Variants in PXDN observed in about 807,000 individuals in gnomAD.
The protein encoded by PXDN is peroxidasin.
Under a neutral mutation model 140.3 loss-of-function variants are expected in PXDN, and 77 were observed. The ratio of observed to expected loss-of-function variants is 0.55; its 90% CI spans 0.46 to 0.66. The LOEUF (loss-of-function observed/expected upper bound fraction) is 0.66. Among genes scored for constraint, PXDN ranks in the 30% least tolerant of loss-of-function variants. The pLI is 0.00. For missense variants in PXDN, 1,838 were observed against 2,039.5 expected (o/e 0.90, Z 1.90); for synonymous variants, 911 against 857.4 (o/e 1.06, Z -1.09).
intron 22 of PXDN, 83 bp from the exon 23 acceptor site, chr2:1,634,406 T>A: frequency 6.8e-7 from 1 of 1,479,540 alleles, no homozygotes; most frequent in African/African-American, 1.4e-5. Context: ...GGGACAGGTG[T>A]CAGCCACGGC....
chr2:1,663,759 G>T lies in PXDN; in HGVS notation c.1413C>A (p.Ser471Arg). Residue 471 changes from serine (S) to arginine (R), a missense_variant, in exon 12 of 23, where the codon AGC (serine) becomes AGA (arginine). Physicochemically the swap from Ser to Arg is moderately radical, Grantham distance 110. This residue lies in a region of PXDN where 537 missense variants were observed against 583.9 expected (regional missense o/e 0.92). Transcript: ENST00000252804. ...PPVIAWTKGG[S>R]QLSVDRRHLV... is the part of the protein sequence containing the mutation. The stretch of plus-strand genomic sequence containing the variant: ...GGTGCCGCCGGTCCACGGAGAGCTG[G>T]CTCCCTGCAAGGGCATGGGCCCGTT... 1 of 1,612,194 alleles carries T rather than the reference G, an allele frequency of 6.2e-7. No homozygotes were observed. The highest frequency in any genetic ancestry group is 8.5e-7 in the Non-Finnish European group (1 of 1,179,826).
In PXDN at chr2:1,648,159, C is replaced by A; in HGVS notation, c.3608+13G>T. 6.2e-7 allele frequency: 1 copy of A among 1,607,396 alleles called. No individual in the cohort carries two copies. On this transcript the variant is annotated intron_variant, in intron 17 of 22. Coordinates refer to ENST00000252804, the MANE Select transcript of PXDN (RefSeq NM_012293.3). This position sits in a 1 kb window ranked among gnomAD's most constrained non-coding sequence, Gnocchi z 8.9. The stretch of plus-strand genomic sequence containing the variant: ...AGGTACACGAGCCATCCCACACAGC[C>A]TCTTCAGCTCACCTTTTCAGTTTCT...
At chr2:1,670,063 T>C (rs900097049) in intron 9 of PXDN, among the ~76,000 whole-genome samples, 2 of 152,202 alleles carry the variant, frequency 1.3e-5, no homozygotes, top group Admixed American at 6.5e-5. Flanking sequence ...TATTAATACA[T>C]TGATTACAGG....
intron 1 of PXDN, among the ~76,000 whole-genome samples, chr2:1,695,955 G>A (rs1012603251): frequency 4.7e-5 from 6 of 126,418 alleles, no homozygotes; most frequent in African/African-American, 9.2e-5. Context: ...CCCTGGGTCT[G>A]AGCACCTGAG....
chr2:1,636,172 G>A (rs557328799), intron 21 of PXDN: 60 of 151,078 alleles, frequency 4.0e-4, no homozygotes, highest in African/African-American at 1.3e-3. Flanking sequence ...ACGACTGAGG[G>A]AAAAGTAAAC....
chr2:1,639,278 A>G lies in PXDN; in HGVS notation c.4073+24T>C. ...CGGTGCGAGGGCCCCTCTGCACATC[A>G]TTTGACCTCAGAGACCACCATACCT... On this transcript the variant is annotated intron_variant, in intron 20 of 22. Coordinates refer to ENST00000252804, the MANE Select transcript of PXDN (RefSeq NM_012293.3). This position sits in a 1 kb window ranked among gnomAD's most constrained non-coding sequence, Gnocchi z 5.0. 1 of 1,603,976 alleles carries G rather than the reference A, an allele frequency of 6.2e-7. No homozygotes were observed. Among genetic ancestry groups the G allele is most frequent in the Non-Finnish European group, 8.5e-7 (1 of 1,174,968 alleles).
chr2:1,644,302 A>G (rs1180096063), intron 18 of PXDN, among the ~76,000 whole-genome samples: 2 of 152,148 alleles, frequency 1.3e-5, no homozygotes, highest in South Asian at 2.1e-4. Context: ...AAACTCCTCT[A>G]AAGTCCCACA....
intron 1 of PXDN, among the ~76,000 whole-genome samples, chr2:1,699,083 C>T (rs893558307): frequency 2.6e-5 from 4 of 152,080 alleles, no homozygotes; most frequent in African/African-American, 9.7e-5. Context: ...TACAGGTTTA[C>T]ACTCAATATC....
intron 1 of PXDN, among the ~76,000 whole-genome samples, chr2:1,708,596 C>G (rs1162872831): frequency 6.6e-6 from 1 of 152,120 alleles, no homozygotes; most frequent in Non-Finnish European, 1.5e-5. Context: ...GAGAGGGGTC[C>G]CTGATGCAGT....
chr2:1,638,067 T>C (rs1013671503), intron 21 of PXDN, among the ~76,000 whole-genome samples: 1 of 152,112 alleles, frequency 6.6e-6, no homozygotes, highest in Admixed American at 6.5e-5. Flanking sequence ...GGGGCTACAC[T>C]AGGAGATGAT....
chr2:1,663,043 A>G (rs1017375963), intron 12 of PXDN, among the ~76,000 whole-genome samples: 1 of 152,244 alleles, frequency 6.6e-6, no homozygotes, highest in Non-Finnish European at 1.5e-5. Context: ...AGAGGCCACA[A>G]TCAGTGCTAC....
chr2:1,742,644 T>C (rs191982632), intron 1 of PXDN, among the ~76,000 whole-genome samples: 97 of 152,384 alleles, frequency 6.4e-4, no homozygotes, highest in African/African-American at 2.1e-3. Flanking sequence ...ATTTTTCCAC[T>C]GGCTCAGCAA....
Position 1,685,365 on chromosome 2 carries a change from C to T in PXDN, c.417-1214G>A, listed in dbSNP as rs1684028612. On this transcript the variant is annotated intron_variant, in intron 4 of 22. Coordinates refer to ENST00000252804, the MANE Select transcript of PXDN (RefSeq NM_012293.3). This position sits in a 1 kb window ranked among gnomAD's most constrained non-coding sequence, Gnocchi z 5.1. ...GCATGACGGGCGGGCACCTGACGCG[C>T]GGGTCCCGAGGAAGGCCGAACCCGA... 6.6e-6 allele frequency among the ~76,000 whole-genome samples: 1 copy of T among 152,204 alleles called. No homozygotes were observed. Among genetic ancestry groups the T allele is most frequent in the African/African-American group, 2.4e-5 (1 of 41,464 alleles).
chr2:1,684,040 G>GCT (rs777259002), intron 5 of PXDN, 40 bp downstream of exon 5: 1 of 1,524,634 alleles, frequency 6.6e-7, no homozygotes, highest in Admixed American at 1.9e-5. Flanking sequence ...TGAGGCTTGG[G>GCT]CTCTGTGAAT....
intron 9 of PXDN, among the ~76,000 whole-genome samples, chr2:1,671,047 GA>G (rs1683564116): frequency 2.0e-5 from 3 of 151,958 alleles, no homozygotes; most frequent in Admixed American, 1.3e-4. Context: ...GATGCATCCA[GA>G]CAAACACTGG....
intron 1 of PXDN, among the ~76,000 whole-genome samples, chr2:1,700,605 A>T (rs182988674): frequency 1.3e-5 from 2 of 152,304 alleles, no homozygotes; most frequent in Admixed American, 1.3e-4. Flanking sequence ...CACAGGATAC[A>T]GCAACACAAC....
chr2:1,711,598 ACTCTCCACCAGCAC>A (rs1684785829), intron 1 of PXDN, among the ~76,000 whole-genome samples: 1 of 23,792 alleles, frequency 4.2e-5, no homozygotes, highest in Admixed American at 4.7e-4. Flanking sequence ...ACCAGCACCC[ACTCTCCACCAGCAC>A]CCACTCTCCA....
chr2:1,638,426 G>T (rs1242283908), intron 21 of PXDN, among the ~76,000 whole-genome samples: 1 of 152,178 alleles, frequency 6.6e-6, no homozygotes, highest in Non-Finnish European at 1.5e-5. Context: ...ACCCGGAGAG[G>T]CTGGATCAGT....
chr2:1,674,312 C>T (rs913599128), intron 8 of PXDN, among the ~76,000 whole-genome samples: 3 of 152,182 alleles, frequency 2.0e-5, no homozygotes, highest in Admixed American at 6.5e-5. Context: ...TGGGCTTAAG[C>T]GCTCCTCCTG....
Sources: gnomAD v4.1 joint callset for allele counts (sites outside exome capture counted in the v4.1 genomes callset) on GRCh38, gnomAD v4.1.1 for gene constraint, gnomAD v4.1.1 regional missense constraint, Gnocchi (gnomAD v3.1) non-coding constraint, MANE v1.5 for transcripts, NCBI Gene and HGNC (gene_info 2026-07-23, HGNC 2026-07-21) for gene names.